The following CSMD1 variants were observed in gnomAD, a reference collection of about 807,000 sequenced individuals.
The protein encoded by CSMD1 is CUB and Sushi multiple domains 1, also known as CUB and sushi domain-containing protein 1.
CSMD1 carries 213 observed loss-of-function variants against 417.5 expected under a neutral mutation model. The observed-to-expected ratio is 0.51, with a 90% confidence interval of 0.46 to 0.57. The LOEUF is 0.57. CSMD1 is among the 20% of genes least tolerant of loss of function. The probability of loss-of-function intolerance (pLI) is 0.00; values close to 1 mark genes in which losing one functional copy is unlikely to be tolerated. For synonymous variants in CSMD1, 2,862 were observed against 1,736.8 expected, an observed-to-expected ratio of 1.65 and a Z score of -16.11; for missense variants, 6,923 against 4,529.7, an observed-to-expected ratio of 1.53 and a Z score of -15.17.
chr8:4,715,180 G>T (rs898755431), intron 1 of CSMD1, among the ~76,000 whole-genome samples: 11 of 151,942 alleles, frequency 7.2e-5, no homozygotes, highest in African/African-American at 2.7e-4. Flanking sequence ...CTATTATTTC[G>T]CAGAAAAAGA....
intron 5 of CSMD1, among the ~76,000 whole-genome samples, chr8:3,992,304 C>T (rs955414352): frequency 1.4e-4 from 22 of 152,168 alleles, no homozygotes; most frequent in African/African-American, 4.6e-4. Flanking sequence ...ACCTGGAGTA[C>T]GCAAGTTTAC....
intron 5 of CSMD1, among the ~76,000 whole-genome samples, chr8:3,976,861 C>T (rs1245619591): frequency 1.3e-5 from 2 of 152,150 alleles, no homozygotes; most frequent in African/African-American, 4.8e-5. Context: ...ACTGCACTGA[C>T]CAGCACTAGC....
At chr8:3,164,432 A>G (rs969563717) in intron 37 of CSMD1, among the ~76,000 whole-genome samples, 8 of 152,248 alleles carry the variant, frequency 5.3e-5, no homozygotes, top group Non-Finnish European at 1.0e-4. Context: ...AAACTGCTAA[A>G]TATGAAAAAA....
intron 10 of CSMD1, among the ~76,000 whole-genome samples, chr8:3,556,696 T>C (rs150399150): frequency 6.6e-6 from 1 of 151,986 alleles, no homozygotes; most frequent in Non-Finnish European, 1.5e-5. Context: ...TAAGCACCTT[T>C]AAATGAAAAG....
chr8:3,601,196 G>T (rs1320816794), intron 8 of CSMD1, among the ~76,000 whole-genome samples: 1 of 152,154 alleles, frequency 6.6e-6, no homozygotes, highest in African/African-American at 2.4e-5. Context: ...TCCTGTTCAT[G>T]GGAGCTGCTC....
At chr8:4,885,458 T>A (rs6990689) in intron 1 of CSMD1, among the ~76,000 whole-genome samples, 2 of 151,898 alleles carry the variant, frequency 1.3e-5, no homozygotes, top group Non-Finnish European at 2.9e-5. Flanking sequence ...AGTATAATCT[T>A]ACATGTGCAA....
intron 26 of CSMD1, among the ~76,000 whole-genome samples, chr8:3,265,414 CATATTAAATGGGTCGTT>C (rs1304002905): frequency 1.3e-5 from 2 of 152,054 alleles, no homozygotes; most frequent in Non-Finnish European, 2.9e-5. Context: ...GTGTAAGAAT[CATATTAAATGGGTCGTT>C]ATTTACTCTC....
intron 6 of CSMD1, among the ~76,000 whole-genome samples, chr8:3,727,504 C>G (rs955215712): frequency 1.3e-5 from 2 of 152,174 alleles, no homozygotes; most frequent in Non-Finnish European, 2.9e-5. Flanking sequence ...AGCTCTCATG[C>G]ACTGCTGGTG....
intron 5 of CSMD1, among the ~76,000 whole-genome samples, chr8:3,929,479 C>T (rs1366529893): frequency 6.7e-6 from 1 of 150,286 alleles, no homozygotes; most frequent in Non-Finnish European, 1.5e-5. Context: ...CAGGTGCTGT[C>T]TCTGAAGGAC....
intron 2 of CSMD1, among the ~76,000 whole-genome samples, chr8:4,491,085 G>A (rs1023178076): frequency 2.0e-5 from 3 of 152,082 alleles, no homozygotes; most frequent in African/African-American, 7.2e-5. Context: ...TAAGACATGA[G>A]CTATTAATGG....
intron 41 of CSMD1, among the ~76,000 whole-genome samples, chr8:3,125,385 C>G (rs1413289423): frequency 6.6e-6 from 1 of 152,210 alleles, no homozygotes; most frequent in Non-Finnish European, 1.5e-5. Context: ...GGCCTTCTTG[C>G]TCTGTACCCA....
intron 8 of CSMD1, among the ~76,000 whole-genome samples, chr8:3,594,449 A>T (rs999945609): frequency 6.6e-6 from 1 of 152,182 alleles, no homozygotes; most frequent in African/African-American, 2.4e-5. Flanking sequence ...GTTATGGATT[A>T]AAAAACCACC....
At chr8:3,439,647 T>C (rs1814840836) in intron 12 of CSMD1, among the ~76,000 whole-genome samples, 1 of 152,140 alleles carries the variant, frequency 6.6e-6, no homozygotes, top group Non-Finnish European at 1.5e-5. Context: ...ATGTTTTTCA[T>C]TTTGATAAGG....
At chr8:4,381,852 C>A (rs576600752) in intron 3 of CSMD1, among the ~76,000 whole-genome samples, 8 of 152,166 alleles carry the variant, frequency 5.3e-5, no homozygotes, top group African/African-American at 1.7e-4. Context: ...AGCTCAGCAT[C>A]ACCTAGGCTC....
chr8:3,744,120 C>T (rs1796947157), intron 6 of CSMD1, among the ~76,000 whole-genome samples: 1 of 152,182 alleles, frequency 6.6e-6, no homozygotes, highest in African/African-American at 2.4e-5. Flanking sequence ...AAGTAAACCT[C>T]CTGAAATGAT....
intron 3 of CSMD1, among the ~76,000 whole-genome samples, chr8:4,095,809 G>C (rs143247164): frequency 3.9e-4 from 60 of 152,268 alleles, no homozygotes; most frequent in African/African-American, 1.4e-3. Context: ...TTGTATGCAT[G>C]TTTATTCATT....
intron 3 of CSMD1, among the ~76,000 whole-genome samples, chr8:4,406,612 T>C (rs1805043299): frequency 6.6e-6 from 1 of 152,118 alleles, no homozygotes; most frequent in African/African-American, 2.4e-5. Context: ...CCAAGGAAAG[T>C]GACCGGAGGC....
intron 50 of CSMD1, among the ~76,000 whole-genome samples, chr8:3,033,377 C>A (rs1810470126): frequency 6.6e-6 from 1 of 152,140 alleles, no homozygotes; most frequent in African/African-American, 2.4e-5. Flanking sequence ...TGTTCATGCA[C>A]TACTGATTGT....
chr8:4,341,896 T>C (rs1800498611), intron 3 of CSMD1, among the ~76,000 whole-genome samples: 1 of 152,122 alleles, frequency 6.6e-6, no homozygotes, highest in African/African-American at 2.4e-5. Flanking sequence ...ACTAACTTTC[T>C]GATTACTCAT....
Sources: allele counts gnomAD v4.1 joint callset (sites outside exome capture counted in the v4.1 genomes callset), GRCh38; gene constraint gnomAD v4.1.1; transcripts MANE v1.5; gene names NCBI Gene and HGNC (gene_info 2026-07-23, HGNC 2026-07-21).